Variants in BPNT2 observed in about 807,000 individuals in gnomAD.
BPNT2 encodes the protein Golgi-resident adenosine 3',5'-bisphosphate 3'-phosphatase.
Under a neutral mutation model 29.3 loss-of-function variants are expected in BPNT2, and 11 were observed. That is an observed-to-expected ratio of 0.38 (90% CI 0.24 to 0.62). BPNT2 has a LOEUF of 0.62. Ranked by LOEUF, BPNT2 falls within the 20% of genes least tolerant of loss-of-function variation. BPNT2 has a pLI of 0.62. For missense variants in BPNT2, 459 were observed against 473.4 expected (o/e 0.97, Z 0.28); for synonymous variants, 195 against 187.7 (o/e 1.04, Z -0.32).
intron 1 of BPNT2, among the ~76,000 whole-genome samples, chr8:56,987,256 G>A (rs770726438): frequency 6.6e-5 from 10 of 152,122 alleles, no homozygotes; most frequent in Non-Finnish European, 1.3e-4. Context: ...GGTGTGATAT[G>A]GCAACTTGAC....
At position 56,960,845 on chromosome 8, in the gene BPNT2, T is replaced by C. The variant is rs1216727085; in HGVS notation, c.*2948A>G. 1 of 152,210 alleles carries C rather than the reference T, an allele frequency of 6.6e-6. No homozygotes were observed. The highest frequency in any genetic ancestry group is 1.5e-5 in the Non-Finnish European group (1 of 68,042). 9.4% of individuals were successfully genotyped at this position (152,210 alleles called of 1,614,324 possible). The stretch of plus-strand genomic sequence containing the variant: ...TTTTCCTTTACTTTGTGAGGAGTCT[T>C]TGTAATCTAATAGTGAACTAGGCCT... On this transcript the variant is annotated 3_prime_UTR_variant, in exon 5 of 5. Transcript: ENST00000262644.
intron 3 of BPNT2, among the ~76,000 whole-genome samples, chr8:56,973,736 G>T (rs1806076106): frequency 6.6e-6 from 1 of 152,040 alleles, no homozygotes; most frequent in Non-Finnish European, 1.5e-5. Context: ...AAAATAAATT[G>T]ATTTTAGACA....
intron 3 of BPNT2, among the ~76,000 whole-genome samples, chr8:56,971,780 C>CA (rs1322051018): frequency 3.8e-5 from 1 of 26,152 alleles, no homozygotes; most frequent in Non-Finnish European, 7.3e-5. Context: ...TAATTTTGTA[C>CA]CACCCCCCCC....
rs1200998344 is a variant in BPNT2, at chr8:56,963,812, T to C, written c.1061A>G (p.Glu354Gly). 1 of 1,614,208 alleles carries C rather than the reference T, an allele frequency of 6.2e-7. No individual in the cohort carries two copies. The highest frequency in any genetic ancestry group is 8.5e-7 in the Non-Finnish European group (1 of 1,180,044). The change falls in exon 5 of 5, where the codon GAA becomes GGA. Residue 354 changes from glutamate to glycine, a missense_variant. By Grantham distance (98) the Glu-to-Gly change is moderately conservative. Coordinates refer to ENST00000262644, the MANE Select transcript of BPNT2 (RefSeq NM_017813.5). ...TTATGCTCATTTATGTCCTGTCTTT[T>C]CTAGATCTGGGAGTTTTCTGACCAG... ...QALVRKLPDL[E>G]KTGHK
Position 56,993,316 on chromosome 8 carries a change from G to T in BPNT2, c.270C>A (p.Leu90=). The T allele has an allele frequency of 6.2e-7, 1 of 1,612,106 alleles. No homozygotes were observed. ...EVRRVRESNV[L]HEKSKGKTRE... is the part of the protein sequence containing the mutation. ...GCGTCTTCCCCTTGGACTTCTCGTGGAGGACGTTGCTCTCGCGGACGCGCC... is the reference window on the plus strand; with the variant it reads ...GCGTCTTCCCCTTGGACTTCTCGTGTAGGACGTTGCTCTCGCGGACGCGCC... Residue 90 remains leucine, a synonymous_variant, in exon 1 of 5, where the codon CTC becomes CTA. Transcript: ENST00000262644.
chr8:56,972,300 G>A (rs1418627481), intron 3 of BPNT2, among the ~76,000 whole-genome samples: 1 of 151,876 alleles, frequency 6.6e-6, no homozygotes, highest in African/African-American at 2.4e-5. Flanking sequence ...TGCCGGAAGT[G>A]CTCCCACCTA....
In BPNT2 at chr8:56,961,362, C is replaced by A. The variant is rs1172875531; in HGVS notation, c.*2431G>T. The A allele has an allele frequency of 6.6e-6, 1 of 151,988 alleles. No individual in the cohort carries two copies. The highest frequency in any genetic ancestry group is 1.5e-5 in the Non-Finnish European group (1 of 67,986). 9.4% of individuals were successfully genotyped at this position (151,988 alleles called of 1,614,324 possible). ...TGTGTAAATAAATATAAATACTGTT[C>A]CTAATTCTGCAACGTATATTGGCTT... On this transcript the variant is annotated 3_prime_UTR_variant, in exon 5 of 5. Transcript: ENST00000262644.
At chr8:56,967,056 T>G in intron 3 of BPNT2, 1 of 417,894 alleles carries the variant, frequency 2.4e-6, no homozygotes, top group South Asian at 1.7e-5. Context: ...ATGATTTTCC[T>G]GGTTTGGAAG....
intron 3 of BPNT2, among the ~76,000 whole-genome samples, chr8:56,966,718 GC>G (rs1304395519): frequency 6.6e-6 from 1 of 152,110 alleles, no homozygotes; most frequent in East Asian, 1.9e-4. Flanking sequence ...GATCCCAACA[GC>G]ACTCCCTAAT....
intron 1 of BPNT2, among the ~76,000 whole-genome samples, chr8:56,985,917 G>T (rs1210851350): frequency 6.6e-6 from 1 of 152,170 alleles, no homozygotes; most frequent in Non-Finnish European, 1.5e-5. Context: ...TCACTTTCTG[G>T]CTTAGGCAAT....
chr8:56,993,664 C>A lies in BPNT2; in HGVS notation c.-79G>T. 1 of 1,149,128 alleles carries A rather than the reference C, an allele frequency of 8.7e-7. No homozygotes were observed. Among genetic ancestry groups the A allele is most frequent in the Non-Finnish European group, 1.1e-6 (1 of 938,576 alleles). The allele number at this position is 1,149,128 out of a possible 1,614,324, so 71.2% of individuals were successfully genotyped here. On this transcript the variant is annotated 5_prime_UTR_variant, in exon 1 of 5. Transcript: ENST00000262644. ...GCCGCCGCCGCCGCCGCAGCCGCCGCGCTCCGGGCCAGGCGCCGCGCGGGC... is the reference window on the plus strand; with the variant it reads ...GCCGCCGCCGCCGCCGCAGCCGCCGAGCTCCGGGCCAGGCGCCGCGCGGGC...
At chr8:56,980,819 T>TACACACACACAC (rs71258552) in intron 1 of BPNT2, among the ~76,000 whole-genome samples, 3,364 of 141,434 alleles carry the variant, frequency 0.024, 51 homozygotes, top group East Asian at 0.042. Context: ...TACATACATA[T>TACACACACACAC]ACACACACAC....
intron 3 of BPNT2, among the ~76,000 whole-genome samples, chr8:56,971,496 G>GA (rs1347422782): frequency 6.6e-6 from 1 of 151,744 alleles, no homozygotes; most frequent in African/African-American, 2.4e-5. Flanking sequence ...GTGACGATTT[G>GA]AAAAAAATTC....
chr8:56,966,354 T>G lies in BPNT2; in HGVS notation c.647-2A>C. 5.0e-6 allele frequency: 8 copies of G among 1,613,274 alleles called. No individual in the cohort carries two copies. The highest frequency in any genetic ancestry group is 6.8e-6 in the Non-Finnish European group (8 of 1,179,328). On this transcript the variant is annotated splice_acceptor_variant, in intron 3 of 4. Transcript: ENST00000262644. LOFTEE classifies it high-confidence loss of function. ...AACCACCATCTACCATTGCCCAAGCTGAAAAGCAAATATAATATCCATTAA... is the reference window on the plus strand; with the variant it reads ...AACCACCATCTACCATTGCCCAAGCGGAAAAGCAAATATAATATCCATTAA...
Position 56,962,553 on chromosome 8 carries a change from A to T in BPNT2, c.*1240T>A, listed in dbSNP as rs566643756. 1.3e-5 allele frequency: 2 copies of T among 152,326 alleles called. No homozygotes were observed. Among genetic ancestry groups the T allele is most frequent in the East Asian group, 3.9e-4 (2 of 5,184 alleles). 9.4% of individuals were successfully genotyped at this position (152,326 alleles called of 1,614,324 possible). ...CATACATCCCAATGAAAGACAGTTC[A>T]CAAAGCAAGGTTCTAGTTACGGTAA... On this transcript the variant is annotated 3_prime_UTR_variant, in exon 5 of 5. Transcript: ENST00000262644.
intron 1 of BPNT2, among the ~76,000 whole-genome samples, chr8:56,989,356 A>T (rs1440382333): frequency 6.7e-6 from 1 of 149,098 alleles, no homozygotes; most frequent in Non-Finnish European, 1.5e-5. Flanking sequence ...TGGGCGACAG[A>T]GCGAGACACC....
chr8:56,993,118 T>A, intron 1 of BPNT2, 81 bp downstream of exon 1: 1 of 1,537,978 alleles, frequency 6.5e-7, no homozygotes, highest in African/African-American at 1.4e-5. Context: ...AACCAGAAGC[T>A]CCACATCCCA....
chr8:56,975,716 A>G (rs1387852664), intron 3 of BPNT2, among the ~76,000 whole-genome samples: 1 of 152,200 alleles, frequency 6.6e-6, no homozygotes, highest in Non-Finnish European at 1.5e-5. Flanking sequence ...GAAAGGTTCA[A>G]ATGAGATAAC....
rs992412419 is a variant in BPNT2 at position 56,964,063 on chromosome 8, A to G, written c.810T>C (p.Gly270=). Residue 270 remains glycine, a splice_region_variant and synonymous_variant, in exon 5 of 5, where the codon GGT becomes GGC. Transcript: ENST00000262644. ...QTTIIPAGGA[G]YKVLALLDVP... ...CATCCAAAAGTGCTAAAACTTTATA[A>G]CCTAAAAGATAAACAAAGAATTTAG... The G allele has an allele frequency of 1.3e-6, 2 of 1,577,876 alleles. No homozygotes were observed. Among genetic ancestry groups the G allele is most frequent in the African/African-American group, 2.7e-5 (2 of 73,898 alleles).
Sources: allele counts gnomAD v4.1 joint callset (sites outside exome capture counted in the v4.1 genomes callset), GRCh38; gene constraint gnomAD v4.1.1; transcripts MANE v1.5; gene names NCBI Gene and HGNC (gene_info 2026-07-23, HGNC 2026-07-21).